ACAP2: variants seen among roughly 807,000 people sequenced by gnomAD.
ACAP2 encodes the protein ArfGAP with coiled-coil, ankyrin repeat and PH domains 2, also known as arf-GAP with coiled-coil, ANK repeat and PH domain-containing protein 2.
In ACAP2, 39 loss-of-function variants were observed where a neutral mutation model predicts 115.8. That is an observed-to-expected ratio of 0.34 (90% confidence interval 0.26 to 0.44). ACAP2 has a LOEUF of 0.44. Among genes scored for constraint, ACAP2 ranks in the 20% least tolerant of loss-of-function variants. ACAP2 has a pLI of 1.00. For synonymous variants in ACAP2, 289 were observed against 315.8 expected, an observed-to-expected ratio of 0.92 and a Z score of 0.90; for missense variants, 662 against 927.6, an observed-to-expected ratio of 0.71 and a Z score of 3.72.
chr3:195,356,510 G>C (rs1731981709), intron 4 of ACAP2, among the ~76,000 whole-genome samples: 1 of 152,172 alleles, frequency 6.6e-6, no homozygotes, highest in South Asian at 2.1e-4. Flanking sequence ...ATGCGGCTAA[G>C]GGAGCGCTTG....
chr3:195,312,518 G>T (rs1189021789), intron 10 of ACAP2, among the ~76,000 whole-genome samples: 2 of 152,026 alleles, frequency 1.3e-5, no homozygotes, highest in Admixed American at 1.3e-4. Flanking sequence ...TCAGCCTGGA[G>T]TGTCGTGGTG....
At chr3:195,322,717 T>A (rs1378459238) in intron 9 of ACAP2, among the ~76,000 whole-genome samples, 2 of 152,260 alleles carry the variant, frequency 1.3e-5, no homozygotes, top group Non-Finnish European at 2.9e-5. Context: ...ATTGACTTTG[T>A]TAACATTCTA....
At chr3:195,368,470 A>G (rs1732884396) in intron 4 of ACAP2, among the ~76,000 whole-genome samples, 1 of 152,088 alleles carries the variant, frequency 6.6e-6, no homozygotes, top group Non-Finnish European at 1.5e-5. Flanking sequence ...GAATGTAGTA[A>G]TTACTACTTT....
chr3:195,287,226 C>T (rs765855064), intron 21 of ACAP2, among the ~76,000 whole-genome samples: 14 of 152,178 alleles, frequency 9.2e-5, no homozygotes, highest in Non-Finnish European at 1.6e-4. Context: ...AGATTTCCTA[C>T]ATAATAAGGT....
In ACAP2 at chr3:195,425,026, C is replaced by CAAAAAAAAAAAAAA. The variant is rs10690317; in HGVS notation, c.53+17755_53+17768dup. On this transcript the variant is annotated intron_variant, in intron 1 of 22. Transcript: ENST00000326793. ...TGGGCGACAGAGCGAGACTCCGTCTCAAAAAAAAAAAAAAAAAAAAAAAAA... is the reference window on the plus strand; with the variant it reads ...TGGGCGACAGAGCGAGACTCCGTCTCAAAAAAAAAAAAAAAAAAAAAAAAAAAAAAAAAAAAAAA... Among the ~76,000 whole-genome samples, 9 of 26,654 alleles carry CAAAAAAAAAAAAAA rather than the reference C, an allele frequency of 3.4e-4. 1 individual carries two copies. The highest frequency in any genetic ancestry group is 1.9e-3 in the East Asian group (2 of 1,042). The allele number at this position is 26,654 out of a possible 152,430, so 17.5% of individuals were successfully genotyped here. A position where few individuals can be genotyped will look rare whatever the true frequency, so the allele number is the denominator to read the frequency against.
chr3:195,313,245 CA>C (rs1000742116), intron 10 of ACAP2, among the ~76,000 whole-genome samples: 14 of 152,162 alleles, frequency 9.2e-5, no homozygotes, highest in African/African-American at 3.1e-4. Flanking sequence ...TACTACATTA[CA>C]GGAAGTTCTG....
intron 6 of ACAP2, among the ~76,000 whole-genome samples, chr3:195,340,714 G>T (rs144377525): frequency 4.2e-4 from 64 of 152,244 alleles, no homozygotes; most frequent in African/African-American, 1.5e-3. Context: ...ACTGAAATAC[G>T]TCTAGTGAAT....
intron 1 of ACAP2, among the ~76,000 whole-genome samples, chr3:195,400,902 T>C (rs927131926): frequency 1.3e-5 from 2 of 152,088 alleles, no homozygotes; most frequent in Admixed American, 6.6e-5. Flanking sequence ...CTGTCAAAAA[T>C]TAGAATCAGA....
chr3:195,371,419 T>G (rs1170177751), intron 4 of ACAP2, among the ~76,000 whole-genome samples: 1 of 152,212 alleles, frequency 6.6e-6, no homozygotes, highest in African/African-American at 2.4e-5. Context: ...CCTGAAACTT[T>G]GCTGAAGTTG....
chr3:195,295,944 A>G (rs756294841), intron 16 of ACAP2, 52 bp from the exon 17 acceptor site: 1 of 1,468,530 alleles, frequency 6.8e-7, no homozygotes, highest in Non-Finnish European at 9.3e-7. Flanking sequence ...CAGCATGGCT[A>G]ATACCACAAC....
chr3:195,325,062 T>C (rs1729688721), intron 9 of ACAP2, among the ~76,000 whole-genome samples: 2 of 152,156 alleles, frequency 1.3e-5, no homozygotes, highest in Admixed American at 1.3e-4. Flanking sequence ...AAGTTAAAAC[T>C]ACAAGAAGAT....
intron 1 of ACAP2, among the ~76,000 whole-genome samples, chr3:195,434,728 T>C (rs899019011): frequency 6.6e-6 from 1 of 152,256 alleles, no homozygotes; most frequent in Non-Finnish European, 1.5e-5. Context: ...TGGCCAGTGC[T>C]TTTCTTTTTG....
At chr3:195,309,795 G>C (rs1274189860) in intron 10 of ACAP2, among the ~76,000 whole-genome samples, 2 of 151,962 alleles carry the variant, frequency 1.3e-5, no homozygotes, top group African/African-American at 2.4e-5. Flanking sequence ...TATTTATATG[G>C]TTCTGCTCAT....
intron 7 of ACAP2, 45 bp from the exon 8 acceptor site, chr3:195,333,168 T>C (rs80168567): frequency 0.026 from 27,086 of 1,043,146 alleles, 1,034 homozygotes; most frequent in Admixed American, 0.098. Flanking sequence ...TATTCCTAGA[T>C]AGACATTCTG....
intron 10 of ACAP2, among the ~76,000 whole-genome samples, chr3:195,311,240 A>G (rs1728750552): frequency 1.3e-5 from 2 of 151,718 alleles, no homozygotes; most frequent in South Asian, 2.1e-4. Flanking sequence ...GGGGTTACAG[A>G]CACACGCCAC....
chr3:195,312,338 C>T (rs192904365), intron 10 of ACAP2, among the ~76,000 whole-genome samples: 23 of 152,222 alleles, frequency 1.5e-4, no homozygotes, highest in African/African-American at 5.5e-4. Flanking sequence ...AAAAAGGTAA[C>T]GAACTGACAA....
chr3:195,320,817 C>T lies in ACAP2; in HGVS notation c.745-4G>A. 1 of 1,586,786 alleles carries T rather than the reference C, an allele frequency of 6.3e-7. No homozygotes were observed. The highest frequency in any genetic ancestry group is 8.6e-7 in the Non-Finnish European group (1 of 1,156,524). ...TAGAATCATCACTGGAGAAATCCTA[C>T]ACAAAATAACACATAAAGAAGTTCA... On this transcript the variant is annotated splice_region_variant and splice_polypyrimidine_tract_variant and intron_variant, in intron 9 of 22. Coordinates refer to ENST00000326793, the MANE Select transcript of ACAP2 (RefSeq NM_012287.6).
At chr3:195,336,723 A>G (rs1286901230) in intron 7 of ACAP2, 2 of 562,434 alleles carry the variant, frequency 3.6e-6, no homozygotes, top group African/African-American at 1.9e-5. Context: ...TGGACCTCAC[A>G]GTGTATCAAC....
Position 195,279,967 on chromosome 3 carries a change from C to A in ACAP2, c.2237-539G>T, listed in dbSNP as rs191420114. ...GTAATTTTTTACTCAAACTTTAATG[C>A]GTAATTAAAACTAATGCACCTAATC... On this transcript the variant is annotated intron_variant, in intron 22 of 22. Coordinates refer to ENST00000326793, the MANE Select transcript of ACAP2 (RefSeq NM_012287.6). 2.8e-4 allele frequency among the ~76,000 whole-genome samples: 43 copies of A among 151,948 alleles called. No homozygotes were observed. In the East Asian group the frequency reaches 7.9e-3, roughly 28 times the overall value.
Sources: gnomAD v4.1 joint callset for allele counts (sites outside exome capture counted in the v4.1 genomes callset) on GRCh38, gnomAD v4.1.1 for gene constraint, MANE v1.5 for transcripts, NCBI Gene and HGNC (gene_info 2026-07-23, HGNC 2026-07-21) for gene names.